The following EFCAB11 variants were observed in gnomAD, a reference collection of about 807,000 sequenced individuals.
The protein encoded by EFCAB11 is EF-hand calcium binding domain 11, also known as EF-hand calcium-binding domain-containing protein 11.
EFCAB11 carries 14 observed loss-of-function variants against 23.0 expected under a neutral mutation model. That is an observed-to-expected ratio of 0.61 (90% CI 0.40 to 0.95). The LOEUF (loss-of-function observed/expected upper bound fraction) is 0.95. Ranked by LOEUF, EFCAB11 falls within the 40% of genes least tolerant of loss-of-function variation. The pLI is 0.00. For missense variants in EFCAB11, 198 were observed against 195.8 expected (o/e 1.01, Z -0.07); for synonymous variants, 65 against 66.6 (o/e 0.98, Z 0.11).
At chr14:89,831,948 T>G (rs919602946) in intron 5 of EFCAB11, among the ~76,000 whole-genome samples, 1 of 151,792 alleles carries the variant, frequency 6.6e-6, no homozygotes, top group Non-Finnish European at 1.5e-5. Context: ...TGGTGAAGAG[T>G]AGAAGAGAGA....
intron 5 of EFCAB11, among the ~76,000 whole-genome samples, chr14:89,825,865 G>C (rs1169619732): frequency 6.6e-6 from 1 of 152,142 alleles, no homozygotes. Context: ...AATATTTTCT[G>C]TATGCTTGCA....
chr14:89,806,712 C>A (rs1885982279), intron 5 of EFCAB11, among the ~76,000 whole-genome samples: 1 of 152,198 alleles, frequency 6.6e-6, no homozygotes, highest in Admixed American at 6.5e-5. Flanking sequence ...TAGGCTGCTG[C>A]CAAGCCCTGG....
At chr14:89,915,892 T>C (rs1330261141) in intron 5 of EFCAB11, among the ~76,000 whole-genome samples, 2 of 152,306 alleles carry the variant, frequency 1.3e-5, no homozygotes, top group South Asian at 2.1e-4. Flanking sequence ...TTCACATTTG[T>C]TAAAAAATTG....
At chr14:89,924,703 C>G (rs1181741805) in intron 5 of EFCAB11, 1 of 1,535,304 alleles carries the variant, frequency 6.5e-7, no homozygotes, top group Admixed American at 2.0e-5. Context: ...AAGAGACCAC[C>G]AGAGATTAAT....
At position 89,954,686 on chromosome 14, in the gene EFCAB11, C is replaced by A; in HGVS notation, c.-26G>T. On this transcript the variant is annotated 5_prime_UTR_variant, in exon 1 of 6. Transcript: ENST00000316738. ...CGCGACTACAACAACCGAGCCCCAG[C>A]AACCCAACCAGCTACCACCGCTTTC... 1 of 1,604,968 alleles carries A rather than the reference C, an allele frequency of 6.2e-7. No homozygotes were observed. The highest frequency in any genetic ancestry group is 8.5e-7 in the Non-Finnish European group (1 of 1,177,702).
In EFCAB11 at chr14:89,892,538, G is replaced by T. The variant is rs983113331; in HGVS notation, c.410+39003C>A. The T allele has an allele frequency of 6.9e-6, 7 of 1,009,832 alleles. No individual in the cohort carries two copies. In the African/African-American group the frequency reaches 9.8e-5, roughly 14 times the overall value. The allele number at this position is 1,009,832 out of a possible 1,614,324, so 62.6% of individuals were successfully genotyped here. On this transcript the variant is annotated intron_variant, in intron 5 of 5. Transcript: ENST00000316738. Reference sequence around the variant, plus strand: ...CTCTCTGGAGGACAAATGACAGAAGGGTTCATATAAACAGTATCCTGACAC... The same window carrying T: ...CTCTCTGGAGGACAAATGACAGAAGTGTTCATATAAACAGTATCCTGACAC...
chr14:89,819,420 A>AT lies in EFCAB11; in HGVS notation c.411-22097dup, dbSNP rs777598706. 4.1e-4 allele frequency among the ~76,000 whole-genome samples: 61 copies of AT among 148,244 alleles called. No homozygotes were observed. In the South Asian group the frequency reaches 8.3e-3, roughly 20 times the overall value. On this transcript the variant is annotated intron_variant, in intron 5 of 5. Coordinates refer to ENST00000316738, the MANE Select transcript of EFCAB11 (RefSeq NM_145231.4). ...GCAAAGGGATACAAAGAAACTTTCT[A>AT]TCTTTTTTTTCTTCCTCCAGGCAAG... is the stretch of plus-strand genomic sequence containing the variant.
chr14:89,928,639 T>C (rs17223628), intron 5 of EFCAB11, among the ~76,000 whole-genome samples: 11,796 of 150,158 alleles, frequency 0.079, 711 homozygotes, highest in South Asian at 0.21. Flanking sequence ...AGTCCATCTT[T>C]CCTGATATCT....
At chr14:89,954,504 A>C in intron 1 of EFCAB11, 82 bp downstream of exon 1, 1 of 1,572,990 alleles carries the variant, frequency 6.4e-7, no homozygotes, top group Non-Finnish European at 8.6e-7. Context: ...CACCCGGCAG[A>C]GTGAGACCCA....
rs375358029 is a variant in EFCAB11 at position 89,798,463 on chromosome 14, G to A, written c.411-1139C>T. On this transcript the variant is annotated intron_variant, in intron 5 of 5. Transcript: ENST00000316738. Reference sequence around the variant, plus strand: ...AGGGATTAGAAATAATCAGTATCACGTTACTAACTACAGAATATAAATCAT... The same window carrying A: ...AGGGATTAGAAATAATCAGTATCACATTACTAACTACAGAATATAAATCAT... Among the ~76,000 whole-genome samples, 57 of 152,320 alleles carry A rather than the reference G, an allele frequency of 3.7e-4. 1 individual carries two copies. In the South Asian group the frequency reaches 8.3e-3, roughly 22 times the overall value.
intron 5 of EFCAB11, among the ~76,000 whole-genome samples, chr14:89,907,521 A>G (rs983655082): frequency 2.0e-5 from 3 of 152,200 alleles, no homozygotes; most frequent in African/African-American, 7.2e-5. Flanking sequence ...CCCCAACCTT[A>G]GGGCTATGAA....
chr14:89,951,620 G>A (rs8013264), intron 2 of EFCAB11, among the ~76,000 whole-genome samples: 23,173 of 151,948 alleles, frequency 0.15, 3,939 homozygotes, highest in African/African-American at 0.42. Context: ...AAATTTCATT[G>A]TGTATGGGTG....
At chr14:89,837,143 C>T (rs1223059531) in intron 5 of EFCAB11, 1 of 455,730 alleles carries the variant, frequency 2.2e-6, no homozygotes, top group South Asian at 1.6e-5. Context: ...AATCCTTAGG[C>T]CTCTGCAACA....
intron 5 of EFCAB11, among the ~76,000 whole-genome samples, chr14:89,921,293 G>A (rs1890016250): frequency 6.6e-6 from 1 of 152,126 alleles, no homozygotes. Flanking sequence ...AAAAGGCACA[G>A]CCATTTCTGT....
At chr14:89,939,771 C>G (rs1275800856) in intron 3 of EFCAB11, among the ~76,000 whole-genome samples, 1 of 152,188 alleles carries the variant, frequency 6.6e-6, no homozygotes, top group Non-Finnish European at 1.5e-5. Flanking sequence ...TGGAGTCTTG[C>G]TCTATCGCCC....
intron 5 of EFCAB11, among the ~76,000 whole-genome samples, chr14:89,857,060 A>G (rs1887776174): frequency 6.6e-6 from 1 of 152,236 alleles, no homozygotes; most frequent in Non-Finnish European, 1.5e-5. Context: ...TGTGAACTGA[A>G]GCAGAAAATA....
At chr14:89,856,392 G>T (rs1350230226) in intron 5 of EFCAB11, among the ~76,000 whole-genome samples, 3 of 151,976 alleles carry the variant, frequency 2.0e-5, no homozygotes, top group Non-Finnish European at 4.4e-5. Flanking sequence ...GTTTCACCAT[G>T]TTGCTCAGGC....
At chr14:89,832,376 C>T (rs1187408464) in intron 5 of EFCAB11, among the ~76,000 whole-genome samples, 1 of 152,084 alleles carries the variant, frequency 6.6e-6, no homozygotes, top group Non-Finnish European at 1.5e-5. Flanking sequence ...CATGTTTTTG[C>T]TTGGCTAGCA....
chr14:89,859,083 C>T lies in EFCAB11; in HGVS notation c.411-61759G>A, dbSNP rs529977890. 5.5e-4 allele frequency among the ~76,000 whole-genome samples: 84 copies of T among 152,160 alleles called. 1 individual carries two copies. Among genetic ancestry groups the T allele is most frequent in the African/African-American group, 1.9e-3 (77 of 41,498 alleles). Reference sequence around the variant, plus strand: ...AATAATGAAAGCAAATATCTTATCACGAAATTGTAAAAATCAGGCAAATAA... The same window carrying T: ...AATAATGAAAGCAAATATCTTATCATGAAATTGTAAAAATCAGGCAAATAA... On this transcript the variant is annotated intron_variant, in intron 5 of 5. Transcript: ENST00000316738.
Sources: gnomAD v4.1 joint callset for allele counts (sites outside exome capture counted in the v4.1 genomes callset) on GRCh38, gnomAD v4.1.1 for gene constraint, MANE v1.5 for transcripts, NCBI Gene and HGNC (gene_info 2026-07-23, HGNC 2026-07-21) for gene names.